Variants in MOSMO observed in about 807,000 individuals in gnomAD.
MOSMO encodes modulator of smoothened protein.
A neutral mutation model predicts 18.4 loss-of-function variants in MOSMO; 5 were observed. The ratio of observed to expected loss-of-function variants is 0.27; its 90% confidence interval spans 0.14 to 0.57. The LOEUF is 0.57. MOSMO is among the 20% of genes least tolerant of loss of function. The pLI, the probability that MOSMO is intolerant of heterozygous loss-of-function variation, is 0.92. For synonymous variants in MOSMO, 82 were observed against 82.3 expected (o/e 1.00, Z 0.02); for missense variants, 138 against 211.8 (o/e 0.65, Z 2.16).
chr16:22,042,601 C>A (rs1424163216), intron 1 of MOSMO, among the ~76,000 whole-genome samples: 2 of 152,160 alleles, frequency 1.3e-5, no homozygotes, highest in Non-Finnish European at 2.9e-5. Flanking sequence ...CATCATTTCA[C>A]CAACTGTTAT....
chr16:22,009,990 C>CA (rs747232319), intron 1 of MOSMO, among the ~76,000 whole-genome samples: 33 of 150,382 alleles, frequency 2.2e-4, no homozygotes, highest in South Asian at 2.1e-3. Context: ...GACTCTGTCT[C>CA]AAAAAAAAGA....
intron 1 of MOSMO, among the ~76,000 whole-genome samples, chr16:22,032,124 T>C (rs1056256834): frequency 2.6e-5 from 4 of 152,148 alleles, no homozygotes. Context: ...CATCTTTCCA[T>C]ATGCTTATTG....
chr16:22,010,980 A>T (rs1899515361), intron 1 of MOSMO, among the ~76,000 whole-genome samples: 1 of 152,096 alleles, frequency 6.6e-6, no homozygotes, highest in Non-Finnish European at 1.5e-5. Flanking sequence ...AGAAGAAAGC[A>T]AGGATAGAAT....
intron 2 of MOSMO, 67 bp from the exon 3 acceptor site, chr16:22,080,629 A>G: frequency 4.4e-6 from 5 of 1,126,344 alleles, no homozygotes; most frequent in Non-Finnish European, 5.8e-6. Flanking sequence ...CCTTTGTGCC[A>G]AATTTTCATT....
chr16:22,023,824 T>C (rs1899813917), intron 1 of MOSMO, among the ~76,000 whole-genome samples: 1 of 152,156 alleles, frequency 6.6e-6, no homozygotes. Flanking sequence ...CGTCAACTTA[T>C]CTAATGAAGA....
In MOSMO at chr16:22,053,201, G is replaced by A. The variant is rs1184094436; in HGVS notation, c.107-22286G>A. Among the ~76,000 whole-genome samples, 12 of 150,972 alleles carry A rather than the reference G, an allele frequency of 7.9e-5. 1 individual carries two copies. The highest frequency in any genetic ancestry group is 2.9e-4 in the African/African-American group (12 of 41,026). ...ATGTCTCCAACTCCTGGCCTCAAGT[G>A]ATCCACCCACCTCCACCTCCCAACG... is the stretch of plus-strand genomic sequence containing the variant. On this transcript the variant is annotated intron_variant, in intron 1 of 2. Coordinates refer to ENST00000542527, the MANE Select transcript of MOSMO (RefSeq NM_001164579.2).
chr16:22,059,714 G>A (rs1900605079), intron 1 of MOSMO, among the ~76,000 whole-genome samples: 2 of 152,152 alleles, frequency 1.3e-5, no homozygotes, highest in South Asian at 4.1e-4. Context: ...AGAACAGCAT[G>A]GGGGAAATCA....
At chr16:22,021,037 T>C (rs1567500312) in intron 1 of MOSMO, among the ~76,000 whole-genome samples, 1 of 151,842 alleles carries the variant, frequency 6.6e-6, no homozygotes, top group Non-Finnish European at 1.5e-5. Flanking sequence ...CAAGTGCATA[T>C]GATATGTGTA....
chr16:22,026,359 C>T (rs1598000669), intron 1 of MOSMO, among the ~76,000 whole-genome samples: 1 of 151,818 alleles, frequency 6.6e-6, no homozygotes, highest in Non-Finnish European at 1.5e-5. Flanking sequence ...GCTGGGATGA[C>T]AGGCACGTGC....
intron 1 of MOSMO, among the ~76,000 whole-genome samples, chr16:22,019,494 A>G (rs1156384481): frequency 6.6e-6 from 1 of 152,090 alleles, no homozygotes; most frequent in Non-Finnish European, 1.5e-5. Context: ...TATCTGTGTC[A>G]TGGTTATTTG....
chr16:22,017,301 C>A (rs1899660566), intron 1 of MOSMO, among the ~76,000 whole-genome samples: 1 of 152,082 alleles, frequency 6.6e-6, no homozygotes, highest in Non-Finnish European at 1.5e-5. Flanking sequence ...CTCTAAGAGA[C>A]CCAGGAAATT....
intron 1 of MOSMO, among the ~76,000 whole-genome samples, chr16:22,072,263 A>G (rs1268681988): frequency 6.6e-6 from 1 of 152,178 alleles, no homozygotes. Flanking sequence ...ACCTGAATTT[A>G]TAAGATTTAA....
chr16:22,009,981 ACT>A (rs1899490193), intron 1 of MOSMO, among the ~76,000 whole-genome samples: 3 of 151,954 alleles, frequency 2.0e-5, no homozygotes, highest in South Asian at 2.1e-4. Flanking sequence ...ACAGAGCGAG[ACT>A]CTGTCTCAAA....
rs374292691 is a variant in MOSMO, at chr16:22,080,198, T to C, written c.320-498T>C. Among the ~76,000 whole-genome samples, 5 of 152,222 alleles carry C rather than the reference T, an allele frequency of 3.3e-5. No individual in the cohort carries two copies. In the East Asian group the frequency reaches 7.7e-4, roughly 23 times the overall value. ...AACAGAGAATTGTCAGAATAGTAAC[T>C]ATTGTGATAATGGTATGCAGCACTC... is the stretch of plus-strand genomic sequence containing the variant. On this transcript the variant is annotated intron_variant, in intron 2 of 2. Coordinates refer to ENST00000542527, the MANE Select transcript of MOSMO (RefSeq NM_001164579.2).
downstream of MOSMO, among the ~76,000 whole-genome samples, chr16:22,087,826 C>T (rs1241813874): frequency 6.6e-6 from 1 of 152,070 alleles, no homozygotes; most frequent in Non-Finnish European, 1.5e-5. Flanking sequence ...GAAATTATGA[C>T]CTTGAGCCGG....
chr16:22,037,885 G>A (rs1165069195), intron 1 of MOSMO, among the ~76,000 whole-genome samples: 1 of 152,264 alleles, frequency 6.6e-6, no homozygotes, highest in Non-Finnish European at 1.5e-5. Flanking sequence ...ATCCTTTTGG[G>A]GTCTTGTGGA....
At chr16:22,057,657 C>T (rs1049825667) in intron 1 of MOSMO, among the ~76,000 whole-genome samples, 1 of 152,184 alleles carries the variant, frequency 6.6e-6, no homozygotes, top group South Asian at 2.1e-4. Context: ...AAGATAGATA[C>T]TGGCCATATA....
chr16:22,079,296 C>T (rs867420849), intron 2 of MOSMO, among the ~76,000 whole-genome samples: 2 of 152,322 alleles, frequency 1.3e-5, no homozygotes, highest in South Asian at 2.1e-4. Context: ...AGGTCCAACT[C>T]TTCATGTACA....
intron 1 of MOSMO, among the ~76,000 whole-genome samples, chr16:22,055,241 CCTT>C (rs910344537): frequency 4.5e-4 from 68 of 152,248 alleles, no homozygotes; most frequent in African/African-American, 1.5e-3. Context: ...TCAACACACT[CCTT>C]CTGCTTCTGT....
Sources: gnomAD v4.1 joint callset for allele counts (sites outside exome capture counted in the v4.1 genomes callset) on GRCh38, gnomAD v4.1.1 for gene constraint, MANE v1.5 for transcripts, NCBI Gene and HGNC (gene_info 2026-07-23, HGNC 2026-07-21) for gene names.